FMO4: variants seen among roughly 807,000 people sequenced by gnomAD.
FMO4 encodes the protein dimethylaniline monooxygenase [N-oxide-forming] 4.
In FMO4, 38 loss-of-function variants were observed where a neutral mutation model predicts 43.3. The observed-to-expected ratio is 0.88, with a 90% CI of 0.68 to 1.15. The LOEUF is 1.15. Ranked by LOEUF, FMO4 falls within the 50% of genes most tolerant of loss-of-function variation. FMO4 has a pLI of 0.00. For synonymous variants in FMO4, 224 were observed against 232.2 expected (o/e 0.96, Z 0.32); for missense variants, 631 against 663.3 (o/e 0.95, Z 0.54).
At chr1:171,315,403 A>G (rs1040969129) in intron 1 of FMO4, among the ~76,000 whole-genome samples, 1 of 152,148 alleles carries the variant, frequency 6.6e-6, no homozygotes, top group African/African-American at 2.4e-5. Flanking sequence ...TCAAGCCTGC[A>G]GTATTCTCGC....
At chr1:171,323,732 T>A (rs1662535235) in intron 4 of FMO4, among the ~76,000 whole-genome samples, 1 of 152,136 alleles carries the variant, frequency 6.6e-6, no homozygotes, top group African/African-American at 2.4e-5. Flanking sequence ...CAGGATGAAA[T>A]TTTGACTTTT....
At chr1:171,341,149 A>G (rs1007760692) in intron 9 of FMO4, among the ~76,000 whole-genome samples, 4 of 146,476 alleles carry the variant, frequency 2.7e-5, no homozygotes, top group South Asian at 4.3e-4. Flanking sequence ...AACTTAACGG[A>G]AAAAAAAAAG....
chr1:171,314,849 G>A (rs1289859278), intron 1 of FMO4, among the ~76,000 whole-genome samples: 1 of 152,128 alleles, frequency 6.6e-6, no homozygotes, highest in Non-Finnish European at 1.5e-5. Flanking sequence ...AATCATAATT[G>A]ATTACATGAT....
At chr1:171,323,268 T>A in intron 4 of FMO4, 76 bp downstream of exon 4, 2 of 938,604 alleles carry the variant, frequency 2.1e-6, no homozygotes, top group Non-Finnish European at 3.3e-6. Context: ...ATTGGATGTT[T>A]AAAGTAAACT....
intron 3 of FMO4, among the ~76,000 whole-genome samples, chr1:171,321,036 T>C (rs2101879223): frequency 6.6e-6 from 1 of 151,492 alleles, no homozygotes; most frequent in East Asian, 1.9e-4. Context: ...CCTAGGATTA[T>C]AGTATACTAG....
At chr1:171,328,996 T>C (rs1016162609) in intron 5 of FMO4, among the ~76,000 whole-genome samples, 2 of 152,162 alleles carry the variant, frequency 1.3e-5, no homozygotes, top group African/African-American at 2.4e-5. Context: ...CTGTATGTAA[T>C]GTAAAAGCTT....
intron 8 of FMO4, among the ~76,000 whole-genome samples, chr1:171,335,653 T>C (rs981125618): frequency 1.3e-5 from 2 of 152,170 alleles, no homozygotes; most frequent in South Asian, 4.1e-4. Context: ...AGTGTTGACT[T>C]CTATCAAACT....
chr1:171,316,656 A>G lies in FMO4; in HGVS notation c.-9+329A>G, dbSNP rs913633620. On this transcript the variant is annotated intron_variant, in intron 2 of 9. Transcript: ENST00000367749. ...CCAAAATCCATTTTCATTGCATTCC[A>G]TATAGCTCTCTCAACTAAATAGGGA... is the stretch of plus-strand genomic sequence containing the variant. Among the ~76,000 whole-genome samples, 12 of 152,298 alleles carry G rather than the reference A, an allele frequency of 7.9e-5. No homozygotes were observed. The South Asian group carries it at 2.5e-3, about 32-fold the overall frequency.
intron 7 of FMO4, among the ~76,000 whole-genome samples, chr1:171,333,495 AT>A (rs1571407843): frequency 6.6e-6 from 1 of 152,114 alleles, no homozygotes; most frequent in African/African-American, 2.4e-5. Flanking sequence ...AAGTGCTGGG[AT>A]TATAGGAATG....
At chr1:171,334,879 C>T (rs569970499) in intron 8 of FMO4, 116 bp downstream of exon 8, 7 of 593,180 alleles carry the variant, frequency 1.2e-5, no homozygotes, top group Admixed American at 3.5e-5. Flanking sequence ...CATTAGTGTA[C>T]AATTAATTGT....
intron 7 of FMO4, among the ~76,000 whole-genome samples, chr1:171,333,661 CT>C (rs1359419666): frequency 1.3e-5 from 2 of 152,004 alleles, no homozygotes; most frequent in South Asian, 2.1e-4. Flanking sequence ...GGTAAGATAT[CT>C]TTTTTTGTTT....
chr1:171,332,867 GA>G lies in FMO4; in HGVS notation c.787del (p.Arg263AspfsTer9). The stretch of plus-strand genomic sequence containing the variant: ...GGATTCAAGAAAGGAAGTTGAATAA[GA>G]GATTTAATCATGAGGATTATGGATT... ...NWIQERKLNK[R>X]FNHEDYGLSI... On this transcript the variant is annotated frameshift_variant, in exon 7 of 10. Coordinates refer to ENST00000367749, the MANE Select transcript of FMO4 (RefSeq NM_002022.3). LOFTEE classifies it high-confidence loss of function. 1 of 1,580,058 alleles carries G rather than the reference GA, an allele frequency of 6.3e-7. No individual in the cohort carries two copies. The highest frequency in any genetic ancestry group is 8.7e-7 in the Non-Finnish European group (1 of 1,149,158).
intron 7 of FMO4, among the ~76,000 whole-genome samples, chr1:171,333,749 T>C (rs1447604200): frequency 6.6e-6 from 1 of 152,124 alleles, no homozygotes; most frequent in African/African-American, 2.4e-5. Flanking sequence ...AAAGGATGAT[T>C]TGATATGTAA....
intron 5 of FMO4, among the ~76,000 whole-genome samples, chr1:171,329,353 A>C (rs1662806567): frequency 6.6e-6 from 1 of 152,040 alleles, no homozygotes; most frequent in Non-Finnish European, 1.5e-5. Context: ...CAGGCTGGCT[A>C]CCTACAACTC....
At chr1:171,331,808 CT>C in intron 6 of FMO4, 26 bp downstream of exon 6, 1 of 1,608,436 alleles carries the variant, frequency 6.2e-7, no homozygotes, top group Non-Finnish European at 8.5e-7. Context: ...ATTAATGCCC[CT>C]AATCCCATCA....
At position 171,319,832 on chromosome 1, in the gene FMO4, A is replaced by C. The variant is rs1403195183; in HGVS notation, c.7A>C (p.Lys3Gln). The C allele has an allele frequency of 1.9e-6, 3 of 1,613,834 alleles. No individual in the cohort carries two copies. In the South Asian group the frequency reaches 3.3e-5, roughly 18 times the overall value. MA[K>Q]KVAVIGAGVS... ...TCCTCTAACAGAGCATACCATGGCC[A>C]AGAAAGTTGCAGTGATTGGAGCTGG... Residue 3 changes from lysine to glutamine, a missense_variant, in exon 3 of 10, where the codon AAG (lysine) becomes CAG (glutamine). Lys to Gln is a moderately conservative substitution (Grantham distance 53, BLOSUM62 1). Transcript: ENST00000367749.
chr1:171,332,129 T>C (rs1662926316), intron 6 of FMO4, among the ~76,000 whole-genome samples: 1 of 152,196 alleles, frequency 6.6e-6, no homozygotes, highest in Admixed American at 6.5e-5. Flanking sequence ...CCTCCCTTTG[T>C]CATTCTGGTA....
chr1:171,322,434 T>C (rs1359959027), intron 3 of FMO4, among the ~76,000 whole-genome samples: 1 of 152,244 alleles, frequency 6.6e-6, no homozygotes, highest in Non-Finnish European at 1.5e-5. Flanking sequence ...TGGAGAGCCC[T>C]ATTTAATTTG....
chr1:171,337,561 A>G, intron 9 of FMO4, 136 bp downstream of exon 9: 2 of 663,028 alleles, frequency 3.0e-6, no homozygotes, highest in Non-Finnish European at 5.3e-6. Flanking sequence ...TCAGAAGGAT[A>G]CATTTTTAGT....
Sources: allele counts gnomAD v4.1 joint callset (sites outside exome capture counted in the v4.1 genomes callset), GRCh38; gene constraint gnomAD v4.1.1; transcripts MANE v1.5; gene names NCBI Gene and HGNC (gene_info 2026-07-23, HGNC 2026-07-21).